C7: variants seen among roughly 807,000 people sequenced by gnomAD.
The protein encoded by C7 is complement C7, also known as complement component C7.
In C7, 83 loss-of-function variants were observed where a neutral mutation model predicts 104.8. That is an observed-to-expected ratio of 0.79 (90% CI 0.66 to 0.95). C7 has a LOEUF of 0.95. C7 is among the 40% of genes least tolerant of loss of function. The pLI is 0.00. For missense variants in C7, 1,070 were observed against 1,011.2 expected (o/e 1.06, Z -0.79); for synonymous variants, 415 against 360.6 (o/e 1.15, Z -1.71).
intron 12 of C7, among the ~76,000 whole-genome samples, chr5:40,961,601 T>C (rs960832042): frequency 1.3e-5 from 2 of 152,122 alleles, no homozygotes; most frequent in South Asian, 2.1e-4. Context: ...GCCAGGCTGG[T>C]CTCGGAACTC....
chr5:40,941,639 G>A (rs115162853), intron 6 of C7, among the ~76,000 whole-genome samples: 4 of 152,120 alleles, frequency 2.6e-5, no homozygotes, highest in Non-Finnish European at 5.9e-5. Context: ...AGAGACATAA[G>A]AGCGGCCTGA....
chr5:40,952,384 G>C (rs1740188978), intron 9 of C7, among the ~76,000 whole-genome samples: 1 of 152,100 alleles, frequency 6.6e-6, no homozygotes, highest in Admixed American at 6.6e-5. Flanking sequence ...CTTTTCTAGG[G>C]GAAAAGAGTT....
At chr5:40,927,426 G>A (rs7704691) in intron 1 of C7, among the ~76,000 whole-genome samples, 2 of 151,774 alleles carry the variant, frequency 1.3e-5, no homozygotes, top group South Asian at 2.1e-4. Flanking sequence ...TTTCTGCATG[G>A]CAAAGGAGAC....
intron 14 of C7, among the ~76,000 whole-genome samples, chr5:40,968,594 ATATATATTTTTTTTTTTTT>A (rs1561257492): frequency 3.8e-3 from 100 of 26,004 alleles, no homozygotes; most frequent in African/African-American, 0.011. Flanking sequence ...ATATATATAT[ATATATATTTTTTTTTTTTT>A]TTTTTTTTTT....
chr5:40,926,797 G>T (rs1163414571), intron 1 of C7, among the ~76,000 whole-genome samples: 5 of 151,974 alleles, frequency 3.3e-5, no homozygotes, highest in African/African-American at 1.2e-4. Context: ...TGGATTAGAA[G>T]AAAATATTGC....
At chr5:40,952,740 C>T (rs1056726318) in intron 9 of C7, among the ~76,000 whole-genome samples, 6 of 151,726 alleles carry the variant, frequency 4.0e-5, no homozygotes, top group East Asian at 1.9e-4. Flanking sequence ...TGAGAACATG[C>T]GGTGTTTGGT....
chr5:40,909,578 C>A lies in C7; in HGVS notation c.-33C>A. Reference sequence around the variant, plus strand: ...CCCGGCCCTTACAGAGGAAATCTTCCTCCTCTCTTCTGCCCTGAATGTTTT... The same window carrying A: ...CCCGGCCCTTACAGAGGAAATCTTCATCCTCTCTTCTGCCCTGAATGTTTT... On this transcript the variant is annotated 5_prime_UTR_variant, in exon 1 of 18. Coordinates refer to ENST00000313164, the MANE Select transcript of C7 (RefSeq NM_000587.4). The A allele has an allele frequency of 6.4e-7, 1 of 1,554,206 alleles. No individual in the cohort carries two copies. Among genetic ancestry groups the A allele is most frequent in the Non-Finnish European group, 8.8e-7 (1 of 1,137,384 alleles).
At position 40,947,708 on chromosome 5, in the gene C7, A is replaced by G; in HGVS notation, c.845A>G (p.His282Arg). ...LAEPFWKELS[H>R]LPSLYDYSAY... is the part of the protein sequence containing the mutation. The stretch of plus-strand genomic sequence containing the variant: ...GAGCCATTCTGGAAGGAGCTTTCCC[A>G]CCTCCCCTCTCTGTATGACTACAGT... The change falls in exon 8 of 18, where the codon CAC (histidine) becomes CGC (arginine). Residue 282 changes from histidine to arginine, a missense_variant. Physicochemically the swap from His to Arg is conservative, Grantham distance 29. Transcript: ENST00000313164. 6.2e-7 allele frequency: 1 copy of G among 1,613,540 alleles called. No homozygotes were observed. The highest frequency in any genetic ancestry group is 8.5e-7 in the Non-Finnish European group (1 of 1,179,754).
In C7 at chr5:40,909,591, C is replaced by T; in HGVS notation, c.-20C>T. On this transcript the variant is annotated 5_prime_UTR_variant, in exon 1 of 18. Coordinates refer to ENST00000313164, the MANE Select transcript of C7 (RefSeq NM_000587.4). ...GAGGAAATCTTCCTCCTCTCTTCTG[C>T]CCTGAATGTTTTCCCAAACATGAAG... 1 of 1,564,716 alleles carries T rather than the reference C, an allele frequency of 6.4e-7. No individual in the cohort carries two copies. The highest frequency in any genetic ancestry group is 8.7e-7 in the Non-Finnish European group (1 of 1,144,978).
chr5:40,956,437 G>A (rs775718963), intron 10 of C7, among the ~76,000 whole-genome samples: 4 of 152,210 alleles, frequency 2.6e-5, no homozygotes, highest in Admixed American at 6.5e-5. Context: ...GTGTGTCAAC[G>A]CACATGCGTA....
At chr5:40,911,518 G>A (rs1463308707) in intron 1 of C7, among the ~76,000 whole-genome samples, 2 of 152,168 alleles carry the variant, frequency 1.3e-5, no homozygotes, top group South Asian at 2.1e-4. Flanking sequence ...CTGAGCTTGG[G>A]GCCTGTGAAT....
In C7 at chr5:40,953,946, T is replaced by G. The variant is rs571149754; in HGVS notation, c.1094-1441T>G. Reference sequence around the variant, plus strand: ...ATGATTTCTGAATATGAGTACAATATGCTTATTTTATGAAATTGCAAAATT... The same window carrying G: ...ATGATTTCTGAATATGAGTACAATAGGCTTATTTTATGAAATTGCAAAATT... On this transcript the variant is annotated intron_variant, in intron 9 of 17. Transcript: ENST00000313164. 2.1e-4 allele frequency among the ~76,000 whole-genome samples: 9 copies of G among 42,086 alleles called. No homozygotes were observed. In the South Asian group the frequency reaches 7.2e-3, roughly 34 times the overall value. The allele number at this position is 42,086 out of a possible 152,430, so 27.6% of individuals were successfully genotyped here.
rs564860256 is a variant in C7 at position 40,923,694 on chromosome 5, C to G, written c.7-4886C>G. On this transcript the variant is annotated intron_variant, in intron 1 of 17. Coordinates refer to ENST00000313164, the MANE Select transcript of C7 (RefSeq NM_000587.4). ...CCAGGGGGTGGAGGTTGCAGTGAGC[C>G]GAGATTGTGCCATTGCACTCCAGCC... Among the ~76,000 whole-genome samples the G allele has an allele frequency of 6.1e-4, 93 of 151,564 alleles. 3 individuals are homozygous for G. The South Asian group carries it at 0.019, about 31-fold the overall frequency.
At chr5:40,950,738 G>A (rs1041731205) in intron 9 of C7, among the ~76,000 whole-genome samples, 1 of 152,094 alleles carries the variant, frequency 6.6e-6, no homozygotes, top group African/African-American at 2.4e-5. Flanking sequence ...TATGATGATT[G>A]GCAAACAAGC....
At chr5:40,972,048 C>T (rs1010059267) in intron 14 of C7, 1 of 468,146 alleles carries the variant, frequency 2.1e-6, no homozygotes, top group Non-Finnish European at 4.2e-6. Context: ...ATGAAACTCT[C>T]CTGGTGGAAC....
Position 40,927,104 on chromosome 5 carries a change from T to C in C7, c.7-1476T>C, listed in dbSNP as rs374206395. Among the ~76,000 whole-genome samples the C allele has an allele frequency of 1.6e-4, 25 of 152,172 alleles. No individual in the cohort carries two copies. The South Asian group carries it at 2.7e-3, about 16-fold the overall frequency. ...CCAGAAATGCACCCCACATATATGG[T>C]CGATTGGTTATTTTTGCAAGGTTGC... On this transcript the variant is annotated intron_variant, in intron 1 of 17. Coordinates refer to ENST00000313164, the MANE Select transcript of C7 (RefSeq NM_000587.4).
At chr5:40,962,312 G>T (rs1740438920) in intron 13 of C7, 140 bp downstream of exon 13, 1 of 492,796 alleles carries the variant, frequency 2.0e-6, no homozygotes, top group Non-Finnish European at 3.6e-6. Flanking sequence ...AGTGGTGAGG[G>T]TTTTAGTGTG....
chr5:40,939,593 T>C (rs1003026205), intron 6 of C7, among the ~76,000 whole-genome samples: 1 of 152,180 alleles, frequency 6.6e-6, no homozygotes, highest in South Asian at 2.1e-4. Context: ...CAATTTAACC[T>C]TTGGCCAGAA....
At chr5:40,920,434 C>A (rs1739414844) in intron 1 of C7, among the ~76,000 whole-genome samples, 2 of 150,498 alleles carry the variant, frequency 1.3e-5, no homozygotes, top group Non-Finnish European at 3.0e-5. Flanking sequence ...TTTAGGTGCT[C>A]CAAAGCATAC....
Sources: allele counts gnomAD v4.1 joint callset (sites outside exome capture counted in the v4.1 genomes callset), GRCh38; gene constraint gnomAD v4.1.1; transcripts MANE v1.5; gene names NCBI Gene and HGNC (gene_info 2026-07-23, HGNC 2026-07-21).